The following TRPM8 variants were observed in gnomAD, a reference collection of about 807,000 sequenced individuals.
TRPM8 encodes the protein TRPM8 cationic channel.
In TRPM8, 110 loss-of-function variants were observed where a neutral mutation model predicts 133.7. That is an observed-to-expected ratio of 0.82 (90% CI 0.70 to 0.96). TRPM8 has a LOEUF of 0.96. TRPM8 is among the 40% of genes least tolerant of loss of function. The pLI is 0.00. For missense variants in TRPM8, 1,291 were observed against 1,379.5 expected (o/e 0.94, Z 1.02); for synonymous variants, 535 against 532.3 (o/e 1.01, Z -0.07).
chr2:233,923,244 A>T (rs1021186687), intron 1 of TRPM8, among the ~76,000 whole-genome samples: 1 of 152,144 alleles, frequency 6.6e-6, no homozygotes, highest in Non-Finnish European at 1.5e-5. Context: ...TTGGCAGCAG[A>T]CCCAGTGAGG....
intron 11 of TRPM8, among the ~76,000 whole-genome samples, 166 bp from the exon 12 acceptor site, chr2:233,960,610 C>T (rs578151352): frequency 1.1e-4 from 17 of 152,116 alleles, no homozygotes; most frequent in South Asian, 1.0e-3. Context: ...TGTGTTAAAA[C>T]GGAAAAAAGA....
At chr2:234,010,564 T>C (rs758460479) in intron 24 of TRPM8, among the ~76,000 whole-genome samples, 2 of 152,164 alleles carry the variant, frequency 1.3e-5, no homozygotes, top group African/African-American at 2.4e-5. Context: ...TCTATACTGT[T>C]TTCCATAATA....
chr2:233,959,202 T>C (rs1691368872), intron 11 of TRPM8, among the ~76,000 whole-genome samples: 1 of 151,978 alleles, frequency 6.6e-6, no homozygotes, highest in Non-Finnish European at 1.5e-5. Context: ...ATTTTTGTGT[T>C]ATTAGTAGAG....
At chr2:233,990,689 A>G (rs1036222723) in intron 21 of TRPM8, among the ~76,000 whole-genome samples, 4 of 152,090 alleles carry the variant, frequency 2.6e-5, no homozygotes. Context: ...TTTTTGCTGT[A>G]GGGTGTTCTA....
intron 17 of TRPM8, among the ~76,000 whole-genome samples, chr2:233,972,419 G>A (rs1043323440): frequency 5.4e-4 from 83 of 152,376 alleles, no homozygotes; most frequent in African/African-American, 1.8e-3. Flanking sequence ...AGTGGATCCC[G>A]CACCGCGGCT....
chr2:233,922,540 A>T (rs1691431852), intron 1 of TRPM8, among the ~76,000 whole-genome samples: 1 of 152,132 alleles, frequency 6.6e-6, no homozygotes, highest in African/African-American at 2.4e-5. Context: ...TTTAAACTGA[A>T]AAAAAACCTC....
chr2:233,974,116 C>A (rs1311749979), intron 17 of TRPM8, among the ~76,000 whole-genome samples: 1 of 152,188 alleles, frequency 6.6e-6, no homozygotes, highest in Non-Finnish European at 1.5e-5. Flanking sequence ...GTCCCAACAC[C>A]CCCTACCTCT....
intron 3 of TRPM8, chr2:233,933,770 G>T (rs958892051): frequency 6.1e-5 from 10 of 164,956 alleles, no homozygotes; most frequent in African/African-American, 2.4e-4. Flanking sequence ...TGGGTGGGTG[G>T]ACAGATCCCA....
At chr2:233,918,590 TG>T (rs1280873838) in intron 1 of TRPM8, among the ~76,000 whole-genome samples, 2 of 152,092 alleles carry the variant, frequency 1.3e-5, no homozygotes, top group African/African-American at 2.4e-5. Flanking sequence ...CAGGATACCT[TG>T]GGGTCAATGA....
intron 17 of TRPM8, among the ~76,000 whole-genome samples, chr2:233,979,812 G>A (rs908751619): frequency 9.2e-5 from 14 of 152,176 alleles, no homozygotes; most frequent in Non-Finnish European, 1.5e-4. Context: ...ACAACAATAT[G>A]AGTAATACCC....
chr2:233,924,742 G>A (rs866920070), intron 1 of TRPM8, among the ~76,000 whole-genome samples: 1 of 152,142 alleles, frequency 6.6e-6, no homozygotes. Context: ...CTGTTGCAGC[G>A]AAATAAACAG....
intron 22 of TRPM8, among the ~76,000 whole-genome samples, chr2:234,000,140 T>C (rs1258348983): frequency 6.8e-6 from 1 of 147,588 alleles, no homozygotes. Flanking sequence ...AGACAGAGTC[T>C]CTCTGTGTTG....
intron 3 of TRPM8, among the ~76,000 whole-genome samples, chr2:233,934,215 T>C (rs1306222334): frequency 1.3e-5 from 2 of 151,794 alleles, no homozygotes; most frequent in African/African-American, 2.4e-5. Context: ...GATGAGGGGG[T>C]ACTCAGCAGG....
At chr2:234,006,014 C>T (rs1016567354) in intron 22 of TRPM8, among the ~76,000 whole-genome samples, 1 of 151,800 alleles carries the variant, frequency 6.6e-6, no homozygotes, top group Middle Eastern at 3.2e-3. Context: ...CTGTCTTTGA[C>T]CCCCAATTAA....
rs1559516436 is a variant in TRPM8, at chr2:233,927,847, CCTTCCTTTCTTTCTCTT to C, written c.117+1194_117+1210del. ...TCCTTCCTTCCTTCCTTCCTTCCTT[CCTTCCTTTCTTTCTCTT>C]TCTTTCTTTCTTTCTTTCTTTCTTT... is the stretch of plus-strand genomic sequence containing the variant. On this transcript the variant is annotated intron_variant, in intron 2 of 25. Transcript: ENST00000324695. 5.8e-4 allele frequency among the ~76,000 whole-genome samples: 28 copies of C among 47,920 alleles called. 3 individuals carry two copies. The highest frequency in any genetic ancestry group is 8.5e-4 in the Non-Finnish European group (23 of 27,146). The allele number at this position is 47,920 out of a possible 152,430, so 31.4% of individuals were successfully genotyped here. A position where few individuals can be genotyped will look rare whatever the true frequency, so the allele number is the denominator to read the frequency against.
intron 1 of TRPM8, among the ~76,000 whole-genome samples, chr2:233,920,854 C>CTTT (rs1411228223): frequency 7.1e-6 from 1 of 141,450 alleles, no homozygotes; most frequent in African/African-American, 2.8e-5. Context: ...CAGATTTCAC[C>CTTT]ATTTTTTTTT....
chr2:234,016,991 G>A (rs76311288), intron 25 of TRPM8, among the ~76,000 whole-genome samples: 600 of 152,250 alleles, frequency 3.9e-3, no homozygotes, highest in African/African-American at 0.014. Context: ...AGAAACCACT[G>A]AGCAAATAAA....
At chr2:233,947,737 T>G (rs1050096320) in intron 8 of TRPM8, among the ~76,000 whole-genome samples, 1 of 152,258 alleles carries the variant, frequency 6.6e-6, no homozygotes, top group African/African-American at 2.4e-5. Context: ...TTGCCTGCAG[T>G]CAGGCTTCTG....
chr2:233,963,705 G>A (rs1002021939), intron 13 of TRPM8, among the ~76,000 whole-genome samples: 2 of 152,160 alleles, frequency 1.3e-5, no homozygotes, highest in African/African-American at 4.8e-5. Context: ...ACGGGAGGTA[G>A]GGCCTGTAAA....
Sources: allele counts gnomAD v4.1 joint callset (sites outside exome capture counted in the v4.1 genomes callset), GRCh38; gene constraint gnomAD v4.1.1; transcripts MANE v1.5; gene names NCBI Gene and HGNC (gene_info 2026-07-23, HGNC 2026-07-21).